The following RBFOX2 variants were observed in gnomAD, a reference collection of about 807,000 sequenced individuals.
RBFOX2 encodes the protein RNA binding fox-1 homolog 2.
A neutral mutation model predicts 49.1 loss-of-function variants in RBFOX2; 10 were observed. The ratio of observed to expected loss-of-function variants is 0.20; its 90% CI spans 0.13 to 0.35. The LOEUF (loss-of-function observed/expected upper bound fraction) is 0.35. Ranked by LOEUF, RBFOX2 falls within the 10% of genes least tolerant of loss-of-function variation. RBFOX2 has a pLI of 1.00. For synonymous variants in RBFOX2, 183 were observed against 187.4 expected, an observed-to-expected ratio of 0.98 and a Z score of 0.19; for missense variants, 323 against 486.9, an observed-to-expected ratio of 0.66 and a Z score of 3.17.
chr22:36,028,596 C>A (rs1211586276), exon 1 of RBFOX2, among the ~76,000 whole-genome samples: 3 of 149,022 alleles, frequency 2.0e-5, no homozygotes, highest in Non-Finnish European at 4.5e-5. Flanking sequence ...TCGCGGCCGC[C>A]GCTCCTTGCC....
chr22:35,897,255 G>C, intron 1 of RBFOX2: 1 of 1,474,220 alleles, frequency 6.8e-7, no homozygotes, highest in Non-Finnish European at 9.5e-7. Flanking sequence ...AGAGTTGCTC[G>C]GGAGGCACTA....
intron 1 of RBFOX2, among the ~76,000 whole-genome samples, chr22:36,012,601 A>T (rs2058863988): frequency 6.6e-6 from 1 of 152,150 alleles, no homozygotes; most frequent in South Asian, 2.1e-4. Flanking sequence ...TCTTAAAAAT[A>T]ATAATAACAT....
At chr22:35,965,732 C>T (rs146215803), upstream of RBFOX2, among the ~76,000 whole-genome samples, 18 of 152,314 alleles carry the variant, frequency 1.2e-4, no homozygotes, top group African/African-American at 4.1e-4. Flanking sequence ...TTCATCCCCA[C>T]ATAACACCCC....
chr22:36,000,410 C>G (rs2058367105), intron 1 of RBFOX2: 1 of 152,232 alleles, frequency 6.6e-6, no homozygotes, highest in Non-Finnish European at 1.5e-5. Context: ...CCAACACACA[C>G]TGTATCCAAG....
intron 1 of RBFOX2, chr22:36,000,545 TAAGA>T (rs1603464611): frequency 6.7e-6 from 1 of 150,298 alleles, no homozygotes; most frequent in East Asian, 2.0e-4. Context: ...GACTTTATTC[TAAGA>T]AAAAGAAAAA....
At chr22:35,977,822 A>G (rs900750258) in intron 1 of RBFOX2, among the ~76,000 whole-genome samples, 1 of 147,640 alleles carries the variant, frequency 6.8e-6, no homozygotes, top group Non-Finnish European at 1.5e-5. Context: ...AAAAAAAAAA[A>G]AAGCCCTGTC....
upstream of RBFOX2, chr22:35,939,235 T>C: frequency 2.0e-6 from 1 of 503,190 alleles, no homozygotes; most frequent in Non-Finnish European, 3.9e-6. Flanking sequence ...GACTTCAGCA[T>C]CCCCAGCCCC....
intron 1 of RBFOX2, among the ~76,000 whole-genome samples, chr22:35,863,837 T>A (rs1005751729): frequency 6.6e-6 from 1 of 152,234 alleles, no homozygotes; most frequent in African/African-American, 2.4e-5. Flanking sequence ...TGAATGTTTC[T>A]GTGCAGCTCT....
At chr22:35,874,352 C>T (rs1205504611) in intron 1 of RBFOX2, among the ~76,000 whole-genome samples, 1 of 152,038 alleles carries the variant, frequency 6.6e-6, no homozygotes, top group African/African-American at 2.4e-5. Flanking sequence ...ATTCCGTCTA[C>T]CTCCTAAACT....
At position 35,791,464 on chromosome 22, in the gene RBFOX2, C is replaced by G. The variant is rs1947639559; in HGVS notation, c.253-9718G>C. On this transcript the variant is annotated intron_variant, in intron 2 of 11. Transcript: ENST00000405409. Reference sequence around the variant, plus strand: ...ATATTAAAACACTAAAAATGTTTAACTGGTTTAATGATTATATACAGGCAC... The same window carrying G: ...ATATTAAAACACTAAAAATGTTTAAGTGGTTTAATGATTATATACAGGCAC... 2.0e-5 allele frequency among the ~76,000 whole-genome samples: 3 copies of G among 150,678 alleles called. No individual in the cohort carries two copies. In the South Asian group the frequency reaches 6.3e-4, roughly 31 times the overall value.
intron 1 of RBFOX2, among the ~76,000 whole-genome samples, chr22:35,914,443 A>C (rs1025642778): frequency 1.3e-5 from 2 of 152,232 alleles, no homozygotes; most frequent in East Asian, 3.8e-4. Context: ...AAGTCTAAAA[A>C]GAGAAAATAA....
chr22:35,918,852 T>C (rs1420323493), intron 1 of RBFOX2, among the ~76,000 whole-genome samples: 1 of 152,190 alleles, frequency 6.6e-6, no homozygotes, highest in African/African-American at 2.4e-5. Context: ...CTGCAATTCC[T>C]CAAGAAAGCC....
intron 1 of RBFOX2, among the ~76,000 whole-genome samples, chr22:35,925,218 A>T (rs1226787382): frequency 6.6e-6 from 1 of 151,678 alleles, no homozygotes; most frequent in Non-Finnish European, 1.5e-5. Context: ...AAATAAAAAA[A>T]TTTAAAAAAA....
At chr22:35,825,908 G>T (rs1462140672) in intron 1 of RBFOX2, among the ~76,000 whole-genome samples, 1 of 151,096 alleles carries the variant, frequency 6.6e-6, no homozygotes, top group East Asian at 1.9e-4. Flanking sequence ...CTTGAACCCG[G>T]GAGGTGGAGG....
intron 1 of RBFOX2, among the ~76,000 whole-genome samples, chr22:35,989,490 T>G (rs977440340): frequency 2.0e-5 from 3 of 152,106 alleles, no homozygotes; most frequent in Non-Finnish European, 4.4e-5. Context: ...GTTTCAATGT[T>G]GTGGTTAAAG....
At chr22:35,778,699 C>T (rs1420891135) in intron 3 of RBFOX2, among the ~76,000 whole-genome samples, 4 of 151,834 alleles carry the variant, frequency 2.6e-5, no homozygotes, top group African/African-American at 4.8e-5. Flanking sequence ...TCCAGTGGCA[C>T]GATCTTGGCT....
At chr22:36,016,774 T>C in intron 1 of RBFOX2, among the ~76,000 whole-genome samples, 1 of 152,380 alleles carries the variant, frequency 6.6e-6, no homozygotes, top group Non-Finnish European at 1.5e-5. Context: ...TTCAAGAATG[T>C]CATCTACTTC....
chr22:35,938,721 C>T, intron 1 of RBFOX2, 126 bp downstream of exon 2: 3 of 846,482 alleles, frequency 3.5e-6, no homozygotes, highest in Non-Finnish European at 5.8e-6. Flanking sequence ...AGTAAATTCA[C>T]TGCTGAAACA....
At chr22:35,800,070 TAA>T (rs1949494577) in intron 2 of RBFOX2, among the ~76,000 whole-genome samples, 1 of 152,168 alleles carries the variant, frequency 6.6e-6, no homozygotes, top group Non-Finnish European at 1.5e-5. Flanking sequence ...AGGTCAAGTA[TAA>T]ACTTCATTTG....
Sources: allele counts gnomAD v4.1 joint callset (sites outside exome capture counted in the v4.1 genomes callset), GRCh38; gene constraint gnomAD v4.1.1; transcripts MANE v1.5; gene names NCBI Gene and HGNC (gene_info 2026-07-23, HGNC 2026-07-21).